Variants in SCAF11 observed in about 807,000 individuals in gnomAD.
SCAF11 encodes the protein SR-related CTD associated factor 11.
Under a neutral mutation model 140.5 loss-of-function variants are expected in SCAF11, and 47 were observed. That is an observed-to-expected ratio of 0.33 (90% CI 0.26 to 0.43). SCAF11 has a LOEUF of 0.43. Ranked by LOEUF, SCAF11 falls within the 20% of genes least tolerant of loss-of-function variation. The pLI is 1.00. For synonymous variants in SCAF11, 557 were observed against 579.4 expected, an observed-to-expected ratio of 0.96 and a Z score of 0.55; for missense variants, 1,645 against 1,705.1, an observed-to-expected ratio of 0.96 and a Z score of 0.62.
At chr12:45,922,661 A>ATGAAGTAT in intron 13 of SCAF11, 79 bp from the exon 14 acceptor site, 1 of 1,371,772 alleles carries the variant, frequency 7.3e-7, no homozygotes, top group Non-Finnish European at 9.9e-7. Flanking sequence ...AATTGAAAAT[A>ATGAAGTAT]CTTCATATTT....
intron 6 of SCAF11, 123 bp from the exon 7 acceptor site, chr12:45,934,628 T>A (rs1012557096): frequency 1.8e-6 from 1 of 544,710 alleles, no homozygotes; most frequent in African/African-American, 2.0e-5. Flanking sequence ...GTATTTCAAA[T>A]AATACACAAT....
intron 3 of SCAF11, among the ~76,000 whole-genome samples, chr12:45,957,642 C>G (rs1018489405): frequency 6.6e-6 from 1 of 152,050 alleles, no homozygotes; most frequent in South Asian, 2.1e-4. Flanking sequence ...GGAGAATAAT[C>G]TGCTTATAAT....
At chr12:45,976,765 C>G (rs749542781) in intron 1 of SCAF11, among the ~76,000 whole-genome samples, 3 of 151,954 alleles carry the variant, frequency 2.0e-5, no homozygotes, top group Non-Finnish European at 4.4e-5. Flanking sequence ...GGTCTCAAAT[C>G]AGTAATTTAA....
intron 3 of SCAF11, 45 bp from the exon 4 acceptor site, chr12:45,951,772 G>A: frequency 8.3e-7 from 1 of 1,202,372 alleles, no homozygotes; most frequent in South Asian, 1.5e-5. Flanking sequence ...TGTTTCTTTA[G>A]ATCAAAATTA....
chr12:45,921,129 C>A lies in SCAF11; in HGVS notation c.*919G>T, dbSNP rs1007916570. ...TCTCGCATAGCTGGGATTACAGGCG[C>A]CCACCACCACGCCTGGCTAATTTTT... On this transcript the variant is annotated 3_prime_UTR_variant, in exon 15 of 15. Coordinates refer to ENST00000369367, the MANE Select transcript of SCAF11 (RefSeq NM_004719.3). 2 of 152,018 alleles carry A rather than the reference C, an allele frequency of 1.3e-5. No individual in the cohort carries two copies. The highest frequency in any genetic ancestry group is 2.9e-5 in the Non-Finnish European group (2 of 68,130). 9.4% of individuals were successfully genotyped at this position (152,018 alleles called of 1,614,324 possible). A position where few individuals can be genotyped will look rare whatever the true frequency, so the allele number is the denominator to read the frequency against.
chr12:45,986,844 T>C (rs1009835818), intron 1 of SCAF11, among the ~76,000 whole-genome samples: 4 of 152,270 alleles, frequency 2.6e-5, no homozygotes, highest in South Asian at 2.1e-4. Flanking sequence ...CCAACCACTA[T>C]GTAAGAAGTG....
intron 3 of SCAF11, among the ~76,000 whole-genome samples, chr12:45,959,420 T>C (rs1945773448): frequency 6.6e-6 from 1 of 152,226 alleles, no homozygotes; most frequent in South Asian, 2.1e-4. Context: ...ATTAACATAG[T>C]GAATTAAATG....
intron 6 of SCAF11, among the ~76,000 whole-genome samples, chr12:45,936,026 G>A (rs1945165369): frequency 6.6e-6 from 1 of 152,008 alleles, no homozygotes; most frequent in Non-Finnish European, 1.5e-5. Context: ...GAAAAATTAT[G>A]GAAATACCCA....
Position 45,923,097 on chromosome 12 carries a change from G to A in SCAF11, c.3964C>T (p.Pro1322Ser). Residue 1322 changes from proline (P) to serine (S), a missense_variant, in exon 13 of 15, where the codon CCG becomes TCG. Transcript: ENST00000369367. ...NNMSTPVLPA[P>S]TAAPGNTGMV... Reference sequence around the variant, plus strand: ...CCCGTATTTCCTGGGGCTGCTGTCGGAGCAGGCAAAACTGGTGTACTCATG... The same window carrying A: ...CCCGTATTTCCTGGGGCTGCTGTCGAAGCAGGCAAAACTGGTGTACTCATG... The A allele has an allele frequency of 6.2e-7, 1 of 1,614,126 alleles. No individual in the cohort carries two copies. The highest frequency in any genetic ancestry group is 8.5e-7 in the Non-Finnish European group (1 of 1,180,018).
intron 2 of SCAF11, among the ~76,000 whole-genome samples, chr12:45,962,168 A>G (rs1305548850): frequency 1.3e-5 from 2 of 152,214 alleles, no homozygotes; most frequent in Non-Finnish European, 2.9e-5. Flanking sequence ...AACCAATCCA[A>G]TAAGTAACAA....
rs867225184 is a variant in SCAF11 at position 45,989,983 on chromosome 12, C to T, written c.-22+370G>A. On this transcript the variant is annotated intron_variant, in intron 1 of 14. Coordinates refer to ENST00000369367, the MANE Select transcript of SCAF11 (RefSeq NM_004719.3). ...TCTGGCGTGGAGCCCCTTCCCCCCC[C>T]CCCGTAGGACCCTGCACCCGGACGG... Among the ~76,000 whole-genome samples the T allele has an allele frequency of 3.4e-4, 51 of 152,038 alleles. No homozygotes were observed. The South Asian group carries it at 1.0e-2, about 30-fold the overall frequency.
At position 45,928,774 on chromosome 12, in the gene SCAF11, T is replaced by A. The variant is rs766707130; in HGVS notation, c.927A>T (p.Gly309=). ...TTGTCATTGCAGGTTTTCGTCTTGA[T>A]CCTCTGGTATTTGATGTACCAGAAG... ...KQTSGTSNTR[G]SRRKPAMTTP... Residue 309 remains glycine (G), a synonymous_variant, in exon 11 of 15, where the codon GGA becomes GGT. Coordinates refer to ENST00000369367, the MANE Select transcript of SCAF11 (RefSeq NM_004719.3). 1 of 1,613,752 alleles carries A rather than the reference T, an allele frequency of 6.2e-7. No individual in the cohort carries two copies. The highest frequency in any genetic ancestry group is 1.3e-5 in the African/African-American group (1 of 74,848).
At chr12:45,983,378 C>A (rs1286985088) in intron 1 of SCAF11, among the ~76,000 whole-genome samples, 1 of 152,118 alleles carries the variant, frequency 6.6e-6, no homozygotes, top group Non-Finnish European at 1.5e-5. Context: ...ACCTGGAGTT[C>A]AGAACTATGG....
intron 1 of SCAF11, among the ~76,000 whole-genome samples, chr12:45,989,969 G>GC (rs1946552713): frequency 2.0e-5 from 3 of 151,204 alleles, no homozygotes; most frequent in Non-Finnish European, 4.4e-5. Flanking sequence ...CTGGCGTGGA[G>GC]CCCCTTCCCC....
At chr12:45,932,021 CT>C (rs1041342295) in intron 9 of SCAF11, among the ~76,000 whole-genome samples, 7 of 151,942 alleles carry the variant, frequency 4.6e-5, no homozygotes, top group African/African-American at 1.7e-4. Context: ...CATTTGCTAA[CT>C]TTTTACCAAA....
At chr12:45,989,975 T>TCC (rs35425343) in intron 1 of SCAF11, among the ~76,000 whole-genome samples, 43 of 138,028 alleles carry the variant, frequency 3.1e-4, no homozygotes, top group Non-Finnish European at 4.9e-4. Flanking sequence ...TGGAGCCCCT[T>TCC]CCCCCCCCCC....
chr12:45,986,086 CT>C lies in SCAF11; in HGVS notation c.-22+4266del, dbSNP rs367944298. Among the ~76,000 whole-genome samples the C allele has an allele frequency of 2.3e-3, 347 of 152,162 alleles. 12 individuals are homozygous for C. In the South Asian group the frequency reaches 0.067, roughly 30 times the overall value. On this transcript the variant is annotated intron_variant, in intron 1 of 14. Coordinates refer to ENST00000369367, the MANE Select transcript of SCAF11 (RefSeq NM_004719.3). ...AGGTCATTGTGGTTCCATCCTAGGC[CT>C]TTTTTCCCCCAAGTTATATTCCCTC...
At chr12:45,962,519 C>T (rs1027828826) in intron 2 of SCAF11, among the ~76,000 whole-genome samples, 6 of 152,132 alleles carry the variant, frequency 3.9e-5, no homozygotes, top group African/African-American at 1.4e-4. Flanking sequence ...ACTTTAAACT[C>T]CCACCAGTAA....
intron 1 of SCAF11, among the ~76,000 whole-genome samples, chr12:45,983,742 A>AACACACACACACACACACACAC (rs55655357): frequency 7.5e-6 from 1 of 133,906 alleles, no homozygotes; most frequent in Non-Finnish European, 1.6e-5. Flanking sequence ...CTAAACCTAA[A>AACACACACACACACACACACAC]ACACACACAC....
Sources: allele counts gnomAD v4.1 joint callset (sites outside exome capture counted in the v4.1 genomes callset), GRCh38; gene constraint gnomAD v4.1.1; transcripts MANE v1.5; gene names NCBI Gene and HGNC (gene_info 2026-07-23, HGNC 2026-07-21).